Variants in ADAM29 observed in about 807,000 individuals in gnomAD.
ADAM29 encodes ADAM metallopeptidase domain 29, also known as disintegrin and metalloproteinase domain-containing protein 29.
For synonymous variants in ADAM29, 367 were observed against 342.3 expected (o/e 1.07, Z -0.80); for missense variants, 969 against 1,001.8 (o/e 0.97, Z 0.44).
chr4:174,918,779 C>A (rs1047259590), intron 1 of ADAM29, among the ~76,000 whole-genome samples: 5 of 151,874 alleles, frequency 3.3e-5, no homozygotes, highest in African/African-American at 1.2e-4. Flanking sequence ...AAACACAGGG[C>A]AGTGATATAA....
chr4:174,935,007 C>T (rs1355198052), intron 3 of ADAM29, among the ~76,000 whole-genome samples: 1 of 152,046 alleles, frequency 6.6e-6, no homozygotes, highest in African/African-American at 2.4e-5. Flanking sequence ...TAGATAGATA[C>T]ATAATCAATA....
At chr4:174,962,513 A>AC (rs1745900214) in intron 4 of ADAM29, among the ~76,000 whole-genome samples, 6 of 139,564 alleles carry the variant, frequency 4.3e-5, no homozygotes, top group African/African-American at 1.8e-4. Flanking sequence ...CTCCGTCACA[A>AC]AAAAAAAAAA....
At chr4:174,956,718 G>A (rs553817502) in intron 4 of ADAM29, among the ~76,000 whole-genome samples, 17 of 151,836 alleles carry the variant, frequency 1.1e-4, no homozygotes, top group East Asian at 3.9e-4. Context: ...TTCTCCTACC[G>A]TCTCTGTAAA....
At chr4:174,955,985 C>G (rs1745475719) in intron 4 of ADAM29, among the ~76,000 whole-genome samples, 1 of 151,986 alleles carries the variant, frequency 6.6e-6, no homozygotes, top group Admixed American at 6.6e-5. Context: ...TACTTAGAAA[C>G]ATTATGTTCT....
At chr4:174,948,997 G>A (rs1745011544) in intron 4 of ADAM29, among the ~76,000 whole-genome samples, 1 of 152,154 alleles carries the variant, frequency 6.6e-6, no homozygotes, top group Non-Finnish European at 1.5e-5. Context: ...TTCAGCGAGG[G>A]GAAACTGGGT....
chr4:174,966,077 A>G (rs1183571121), intron 4 of ADAM29, among the ~76,000 whole-genome samples: 1 of 152,260 alleles, frequency 6.6e-6, no homozygotes, highest in East Asian at 1.9e-4. Context: ...GTCCTTTCAT[A>G]TACTTTAAAT....
intron 3 of ADAM29, among the ~76,000 whole-genome samples, chr4:174,935,104 T>C (rs1363184410): frequency 6.6e-6 from 1 of 152,166 alleles, no homozygotes; most frequent in Non-Finnish European, 1.5e-5. Context: ...GCCAGTGTTA[T>C]AAATTTTTTA....
intron 4 of ADAM29, among the ~76,000 whole-genome samples, chr4:174,964,135 C>T (rs571886102): frequency 3.9e-5 from 6 of 152,044 alleles, no homozygotes; most frequent in Admixed American, 3.9e-4. Context: ...ACCCCCAGTA[C>T]TTGAGAATGT....
At chr4:174,962,405 G>A (rs1053999055) in intron 4 of ADAM29, among the ~76,000 whole-genome samples, 6 of 151,948 alleles carry the variant, frequency 3.9e-5, no homozygotes, top group South Asian at 4.2e-4. Flanking sequence ...CCAGCTACTC[G>A]GGAGGCTGAG....
At chr4:174,937,373 A>G (rs1486351735) in intron 4 of ADAM29, among the ~76,000 whole-genome samples, 1 of 152,180 alleles carries the variant, frequency 6.6e-6, no homozygotes, top group East Asian at 1.9e-4. Flanking sequence ...TTTAAAAATC[A>G]TATTACTTTG....
intron 4 of ADAM29, among the ~76,000 whole-genome samples, chr4:174,950,007 A>G (rs1400686471): frequency 6.6e-6 from 1 of 152,228 alleles, no homozygotes; most frequent in Admixed American, 6.5e-5. Flanking sequence ...GACTTAACCA[A>G]TAACCTATCT....
chr4:174,920,456 CT>C lies in ADAM29; in HGVS notation c.-556-230del, dbSNP rs1288588964. ...TTAGAAGAGGGAAGCTCATGGCCCC[CT>C]AACCACTGCTTCCTGAATATCTAGT... On this transcript the variant is annotated intron_variant, in intron 1 of 4. Transcript: ENST00000359240. Among the ~76,000 whole-genome samples, 3 of 152,120 alleles carry C rather than the reference CT, an allele frequency of 2.0e-5. No homozygotes were observed. In the East Asian group the frequency reaches 5.8e-4, roughly 29 times the overall value.
chr4:174,962,728 C>T (rs981740576), intron 4 of ADAM29, among the ~76,000 whole-genome samples: 2 of 151,610 alleles, frequency 1.3e-5, no homozygotes, highest in South Asian at 2.1e-4. Context: ...AAACATCATG[C>T]TGTACACAGT....
At position 174,977,553 on chromosome 4, in the gene ADAM29, C is replaced by A. The variant is rs760647414; in HGVS notation, c.2028C>A (p.Phe676Leu). ...PPPKRKKKKK[F>L]CYLCILLLIV... The stretch of plus-strand genomic sequence containing the variant: ...CTAAGAGAAAGAAGAAAAAGAAGTT[C>A]TGTTATCTGTGTATATTGTTGCTTA... The change falls in exon 5 of 5, where the codon TTC becomes TTA. Residue 676 changes from phenylalanine to leucine, a missense_variant. By Grantham distance (22) the Phe-to-Leu change is conservative. Transcript: ENST00000359240. The A allele has an allele frequency of 5.0e-6, 8 of 1,614,072 alleles. No individual in the cohort carries two copies. Among genetic ancestry groups the A allele is most frequent in the Non-Finnish European group, 5.9e-6 (7 of 1,180,000 alleles).
intron 4 of ADAM29, among the ~76,000 whole-genome samples, chr4:174,967,960 A>G (rs1321499171): frequency 6.6e-6 from 1 of 152,120 alleles, no homozygotes; most frequent in Non-Finnish European, 1.5e-5. Flanking sequence ...TCCCAGAATA[A>G]TTTTGCTATC....
At chr4:174,972,624 A>G (rs946063342) in intron 4 of ADAM29, among the ~76,000 whole-genome samples, 2 of 152,018 alleles carry the variant, frequency 1.3e-5, no homozygotes, top group African/African-American at 4.8e-5. Context: ...GAAAGCTGAC[A>G]CTTGGGATAT....
intron 2 of ADAM29, among the ~76,000 whole-genome samples, chr4:174,929,751 CTCTCT>C (rs1179910891): frequency 8.6e-4 from 92 of 106,632 alleles, no homozygotes; most frequent in Middle Eastern, 4.7e-3. Flanking sequence ...TCACATCTCT[CTCTCT>C]TTTTTTTTTT....
chr4:174,937,973 G>A (rs977871248), intron 4 of ADAM29, among the ~76,000 whole-genome samples: 3 of 152,068 alleles, frequency 2.0e-5, no homozygotes, highest in African/African-American at 7.2e-5. Flanking sequence ...CAACAAAAGT[G>A]TGTTGGCAGC....
At position 174,975,353 on chromosome 4, in the gene ADAM29, GCT is replaced by G; in HGVS notation, c.-170_-169del. ...TTTTTGTTTTACTTATAGTGCTGCAGCTCTGATGGTTCAACTCTGCCAAAAGA... is the reference window on the plus strand; with the variant it reads ...TTTTTGTTTTACTTATAGTGCTGCAGCTGATGGTTCAACTCTGCCAAAAGA... On this transcript the variant is annotated 5_prime_UTR_variant, in exon 5 of 5. Coordinates refer to ENST00000359240, the MANE Select transcript of ADAM29 (RefSeq NM_014269.4). 2.1e-6 allele frequency: 1 copy of G among 476,598 alleles called. No homozygotes were observed. Among genetic ancestry groups the G allele is most frequent in the Non-Finnish European group, 3.5e-6 (1 of 285,272 alleles). 29.5% of individuals were successfully genotyped at this position (476,598 alleles called of 1,614,324 possible). A position where few individuals can be genotyped will look rare whatever the true frequency, so the allele number is the denominator to read the frequency against.
Sources: allele counts gnomAD v4.1 joint callset (sites outside exome capture counted in the v4.1 genomes callset), GRCh38; gene constraint gnomAD v4.1.1; transcripts MANE v1.5; gene names NCBI Gene and HGNC (gene_info 2026-07-23, HGNC 2026-07-21).